The following AIRE variants were observed in gnomAD, a reference collection of about 807,000 sequenced individuals.
The protein encoded by AIRE is autoimmune polyendocrinopathy candidiasis ectodermal dystrophy protein.
In AIRE, 52 loss-of-function variants were observed where a neutral mutation model predicts 62.1. The ratio of observed to expected loss-of-function variants is 0.84; its 90% CI spans 0.67 to 1.06. The LOEUF is 1.06. AIRE is among the 50% of genes least tolerant of loss of function. The pLI, the probability that AIRE is intolerant of heterozygous loss-of-function variation, is 0.00. For synonymous variants in AIRE, 342 were observed against 321.6 expected, an observed-to-expected ratio of 1.06 and a Z score of -0.68; for missense variants, 774 against 755.8, an observed-to-expected ratio of 1.02 and a Z score of -0.28.
intron 12 of AIRE, among the ~76,000 whole-genome samples, chr21:44,295,393 C>T (rs2040595431): frequency 6.6e-6 from 1 of 152,212 alleles, no homozygotes; most frequent in Non-Finnish European, 1.5e-5. Context: ...AGACCCAGCC[C>T]TGCCCTTGGG....
chr21:44,293,212 G>C (rs764768203), intron 10 of AIRE, 37 bp downstream of exon 10: 2 of 1,514,264 alleles, frequency 1.3e-6, no homozygotes, highest in Admixed American at 4.1e-5. Flanking sequence ...GGCTCTTCAA[G>C]GAGCCCAGGA....
Position 44,290,044 on chromosome 21 carries a change from C to T in AIRE, c.855C>T (p.Leu285=), listed in dbSNP as rs267606152. The T allele has an allele frequency of 6.2e-6, 10 of 1,611,832 alleles. No individual in the cohort carries two copies. In the East Asian group the frequency reaches 1.1e-4, roughly 18 times the overall value. ...GCAGCGTTCCCGCCCCTCTGGCCCT[C>T]CCCAGTGACCCCCAGCTCCACCAGG... ...QQGSVPAPLA[L]PSDPQLHQKN... is the part of the protein sequence containing the mutation. The change falls in exon 7 of 14, where the codon CTC becomes CTT. Residue 285 remains leucine (L), a synonymous_variant. Transcript: ENST00000291582.
At position 44,286,433 on chromosome 21, in the gene AIRE, G is replaced by A. The variant is rs2040482488; in HGVS notation, c.133-124G>A. The A allele has an allele frequency of 8.2e-6, 9 of 1,101,742 alleles. No homozygotes were observed. Among genetic ancestry groups the A allele is most frequent in the Non-Finnish European group, 2.6e-6 (2 of 765,844 alleles). 68.2% of individuals were successfully genotyped at this position (1,101,742 alleles called of 1,614,324 possible). ...ACTCCACCACAAGCCGAGGAGATGG[G>A]CGTGGAGCTGTCCAGGTCGCCAGCG... On this transcript the variant is annotated intron_variant, in intron 1 of 13. Coordinates refer to ENST00000291582, the MANE Select transcript of AIRE (RefSeq NM_000383.4). The surrounding 1 kb of genome is among the most constrained non-coding windows in gnomAD (Gnocchi z 6.0).
intron 13 of AIRE, 74 bp downstream of exon 13, chr21:44,296,519 C>G (rs2040609941): frequency 1.4e-6 from 2 of 1,413,468 alleles, no homozygotes; most frequent in Non-Finnish European, 1.0e-6. Flanking sequence ...AGGCTCCCCA[C>G]TCTGGGGGAG....
chr21:44,296,243 C>T, intron 12 of AIRE, 140 bp from the exon 13 acceptor site: 1 of 844,606 alleles, frequency 1.2e-6, no homozygotes, highest in East Asian at 2.5e-5. Flanking sequence ...CCCTGTGCCC[C>T]CACCCCCAGT....
At chr21:44,293,282 T>A in intron 10 of AIRE, 107 bp downstream of exon 10, 2 of 880,780 alleles carry the variant, frequency 2.3e-6, no homozygotes, top group Non-Finnish European at 3.0e-6. Context: ...CGAGAAAGGC[T>A]CCGGGAGGCA....
At chr21:44,290,498 CA>C (rs1465606959) in intron 7 of AIRE, 1 of 955,394 alleles carries the variant, frequency 1.0e-6, no homozygotes, top group African/African-American at 1.8e-5. Flanking sequence ...CACTTGGCAC[CA>C]GGGGCTCTGT....
In AIRE at chr21:44,287,447, G is replaced by A. The variant is rs1051919739; in HGVS notation, c.464-70G>A. On this transcript the variant is annotated intron_variant, in intron 3 of 13. Transcript: ENST00000291582. The surrounding 1 kb of genome is among the most constrained non-coding windows in gnomAD (Gnocchi z 4.3). The stretch of plus-strand genomic sequence containing the variant: ...CGCCCCCTCCACGCCCTCCCACCGC[G>A]GGCCCCTGCCCACCGGCACTCACCC... 9.7e-6 allele frequency: 11 copies of A among 1,130,182 alleles called. No homozygotes were observed. In the East Asian group the frequency reaches 1.3e-4, roughly 13 times the overall value. 70.0% of individuals were successfully genotyped at this position (1,130,182 alleles called of 1,614,324 possible). A position where few individuals can be genotyped will look rare whatever the true frequency, so the allele number is the denominator to read the frequency against.
rs1019776667 is a variant in AIRE at position 44,287,422 on chromosome 21, C to T, written c.464-95C>T. The T allele has an allele frequency of 5.2e-5, 45 of 872,840 alleles. No homozygotes were observed. Among genetic ancestry groups the T allele is most frequent in the Admixed American group, 2.5e-4 (12 of 48,654 alleles). 54.1% of individuals were successfully genotyped at this position (872,840 alleles called of 1,614,324 possible). A position where few individuals can be genotyped will look rare whatever the true frequency, so the allele number is the denominator to read the frequency against. ...GCAAAGGGACTACCCAGCACTGGACCGCCCCCTCCACGCCCTCCCACCGCG... is the reference window on the plus strand; with the variant it reads ...GCAAAGGGACTACCCAGCACTGGACTGCCCCCTCCACGCCCTCCCACCGCG... On this transcript the variant is annotated intron_variant, in intron 3 of 13. Coordinates refer to ENST00000291582, the MANE Select transcript of AIRE (RefSeq NM_000383.4). The surrounding 1 kb of genome is among the most constrained non-coding windows in gnomAD (Gnocchi z 4.3).
At chr21:44,288,689 C>T (rs548518643) in intron 5 of AIRE, 14 of 542,176 alleles carry the variant, frequency 2.6e-5, no homozygotes, top group African/African-American at 3.8e-5. Context: ...CATCCCCACC[C>T]GGGATGTACA....
rs779510704 is a variant in AIRE, at chr21:44,294,454, A to T, written c.1454A>T (p.Glu485Val). ...CSGDVTPAPV[E>V]GVLAPSPARL... ...GGAGACGTGACCCCAGCCCCTGTGGAGGGGGTGCTGGCCCCCAGCCCCGCC... is the reference window on the plus strand; with the variant it reads ...GGAGACGTGACCCCAGCCCCTGTGGTGGGGGTGCTGGCCCCCAGCCCCGCC... The change falls in exon 12 of 14, where the codon GAG becomes GTG. Residue 485 changes from glutamate (E) to valine (V), a missense_variant. This residue lies in a region of AIRE where 354 missense variants were observed against 296.1 expected (regional missense o/e 1.20). Coordinates refer to ENST00000291582, the MANE Select transcript of AIRE (RefSeq NM_000383.4). 4.3e-5 allele frequency: 67 copies of T among 1,566,714 alleles called. No individual in the cohort carries two copies. The highest frequency in any genetic ancestry group is 5.3e-5 in the Non-Finnish European group (62 of 1,163,844).
At position 44,293,889 on chromosome 21, in the gene AIRE, C is replaced by T; in HGVS notation, c.1379C>T (p.Pro460Leu). The change falls in exon 11 of 14, where the codon CCA (proline) becomes CTA (leucine). Residue 460 changes from proline (P) to leucine (L), a missense_variant. By Grantham distance (98) the Pro-to-Leu change is moderately conservative. Transcript: ENST00000291582. ...GCCTTCCACTGGCGCTGCCACTTCC[C>T]AGCCGGCACCTCCCGGCCCGGGTGA... is the stretch of plus-strand genomic sequence containing the variant. The part of the protein sequence containing the change: ...AAAFHWRCHF[P>L]AGTSRPGTGL... 1.9e-6 allele frequency: 3 copies of T among 1,596,812 alleles called. No homozygotes were observed. Among genetic ancestry groups the T allele is most frequent in the Non-Finnish European group, 1.7e-6 (2 of 1,179,542 alleles).
chr21:44,290,415 T>C, intron 7 of AIRE: 6 of 985,342 alleles, frequency 6.1e-6, no homozygotes, highest in Non-Finnish European at 7.2e-6. Flanking sequence ...TCATCTTTCG[T>C]CCCCAGCATG....
chr21:44,287,037 G>T lies in AIRE; in HGVS notation c.367G>T (p.Val123Leu). Reference sequence around the variant, plus strand: ...GCCCCCGGCCGTCCCCAAGGCTTTGGTACCGCCACCCAGACTCCCCACCAA... The same window carrying T: ...GCCCCCGGCCGTCCCCAAGGCTTTGTTACCGCCACCCAGACTCCCCACCAA... ...RKPPAVPKAL[V>L]PPPRLPTKRK... The change falls in exon 3 of 14, where the codon GTA becomes TTA. Residue 123 changes from valine (V) to leucine (L), a missense_variant. Physicochemically the swap from Val to Leu is conservative, Grantham distance 32 (BLOSUM62 1). This residue lies in a region of AIRE where 385 missense variants were observed against 396.0 expected (regional missense o/e 0.97). Coordinates refer to ENST00000291582, the MANE Select transcript of AIRE (RefSeq NM_000383.4). This position sits in a 1 kb window ranked among gnomAD's most constrained non-coding sequence, Gnocchi z 4.3. 7 of 1,612,804 alleles carry T rather than the reference G, an allele frequency of 4.3e-6. 1 individual carries two copies. In the South Asian group the frequency reaches 7.7e-5, roughly 18 times the overall value.
chr21:44,293,992 C>G, intron 11 of AIRE, 82 bp downstream of exon 11: 1 of 1,472,740 alleles, frequency 6.8e-7, no homozygotes. Context: ...CCACATCATA[C>G]AGCCCACAAC....
At chr21:44,296,355 C>A in intron 12 of AIRE, 28 bp from the exon 13 acceptor site, 1 of 1,604,798 alleles carries the variant, frequency 6.2e-7, no homozygotes, top group Non-Finnish European at 8.5e-7. Flanking sequence ...GGGAGTTGGG[C>A]TGACCTCTTC....
At chr21:44,290,152 A>C in intron 7 of AIRE, 84 bp downstream of exon 7, 3 of 1,545,058 alleles carry the variant, frequency 1.9e-6, no homozygotes, top group Non-Finnish European at 2.6e-6. Flanking sequence ...TTACCTGGGC[A>C]CTCAGGGATG....
chr21:44,286,760 G>C lies in AIRE; in HGVS notation c.307+29G>C, dbSNP rs745957880. 1.2e-6 allele frequency: 2 copies of C among 1,610,540 alleles called. No individual in the cohort carries two copies. Among genetic ancestry groups the C allele is most frequent in the Non-Finnish European group, 1.7e-6 (2 of 1,178,298 alleles). On this transcript the variant is annotated intron_variant, in intron 2 of 13. Transcript: ENST00000291582. The surrounding 1 kb of genome is among the most constrained non-coding windows in gnomAD (Gnocchi z 6.0). ...GGTCCTGGTGGACTCAGCCATGCTGGGGGCCTGGGGCAGCTGCTGTCACCT... is the reference window on the plus strand; with the variant it reads ...GGTCCTGGTGGACTCAGCCATGCTGCGGGCCTGGGGCAGCTGCTGTCACCT...
intron 11 of AIRE, 70 bp downstream of exon 11, chr21:44,293,980 A>ACCCC: frequency 8.1e-7 from 1 of 1,241,662 alleles, no homozygotes; most frequent in Non-Finnish European, 1.0e-6. Context: ...CACACTCCCC[A>ACCCC]CCCACATCAT....
Sources: gnomAD v4.1 joint callset for allele counts (sites outside exome capture counted in the v4.1 genomes callset) on GRCh38, gnomAD v4.1.1 for gene constraint, gnomAD v4.1.1 regional missense constraint, Gnocchi (gnomAD v3.1) non-coding constraint, MANE v1.5 for transcripts, NCBI Gene and HGNC (gene_info 2026-07-23, HGNC 2026-07-21) for gene names.